Variants in CFAP299 observed in about 807,000 individuals in gnomAD.
The protein encoded by CFAP299 is cilia and flagella associated protein 299.
Under a neutral mutation model 27.0 loss-of-function variants are expected in CFAP299, and 21 were observed. That is an observed-to-expected ratio of 0.78 (90% confidence interval 0.55 to 1.12). The LOEUF (loss-of-function observed/expected upper bound fraction) is 1.12, where lower values mean the gene tolerates loss of function less well. CFAP299 is among the 50% of genes most tolerant of loss of function. CFAP299 has a pLI of 0.00. For missense variants in CFAP299, 310 were observed against 276.6 expected (o/e 1.12, Z -0.86); for synonymous variants, 104 against 98.1 (o/e 1.06, Z -0.36).
intron 2 of CFAP299, among the ~76,000 whole-genome samples, chr4:80,398,368 C>A (rs1350567600): frequency 7.9e-5 from 12 of 152,226 alleles, no homozygotes; most frequent in Non-Finnish European, 1.5e-5. Flanking sequence ...AAAAAAGAGC[C>A]CGCATTGCCA....
intron 2 of CFAP299, chr4:80,386,840 A>G: frequency 2.3e-6 from 2 of 887,134 alleles, no homozygotes; most frequent in Non-Finnish European, 3.8e-6. Context: ...GTGGATCAAC[A>G]TGTCTCTCTT....
chr4:80,740,983 A>G (rs1184587771), intron 3 of CFAP299, among the ~76,000 whole-genome samples: 1 of 152,174 alleles, frequency 6.6e-6, no homozygotes, highest in African/African-American at 2.4e-5. Flanking sequence ...GTGCTCTCCA[A>G]GAGCCTAGAC....
chr4:80,672,184 A>G (rs1200972536), intron 3 of CFAP299, among the ~76,000 whole-genome samples: 1 of 152,148 alleles, frequency 6.6e-6, no homozygotes, highest in Non-Finnish European at 1.5e-5. Context: ...TTCCATCAAT[A>G]CCTAGTTTAT....
chr4:80,641,222 C>A lies in CFAP299; in HGVS notation c.333+58039C>A, dbSNP rs140670786. Among the ~76,000 whole-genome samples, 969 of 151,728 alleles carry A rather than the reference C, an allele frequency of 6.4e-3. 13 individuals carry two copies. The highest frequency in any genetic ancestry group is 0.022 in the African/African-American group (929 of 41,386). ...ATAAACTATTTTTCTTTTTCTTTTT[C>A]GAGACAGAGTCTTGCTGTGTCACCC... On this transcript the variant is annotated intron_variant, in intron 3 of 5. Coordinates refer to ENST00000358105, the MANE Select transcript of CFAP299 (RefSeq NM_152770.3).
chr4:80,489,733 C>T lies in CFAP299; in HGVS notation c.243-93360C>T, dbSNP rs148165323. ...AATTCAGTTTCTCTGACTGTTGTAC[C>T]ATAGCACTTAAACTTACCAGTCTAC... is the stretch of plus-strand genomic sequence containing the variant. On this transcript the variant is annotated intron_variant, in intron 2 of 5. Coordinates refer to ENST00000358105, the MANE Select transcript of CFAP299 (RefSeq NM_152770.3). Among the ~76,000 whole-genome samples the T allele has an allele frequency of 5.0e-3, 764 of 152,212 alleles. 4 individuals are homozygous for T. The highest frequency in any genetic ancestry group is 0.017 in the Middle Eastern group (5 of 294).
At chr4:80,401,059 G>A (rs1169807303) in intron 2 of CFAP299, among the ~76,000 whole-genome samples, 1 of 152,142 alleles carries the variant, frequency 6.6e-6, no homozygotes, top group Admixed American at 6.5e-5. Context: ...GGTATCTGGT[G>A]GAAGAAATTT....
At chr4:80,603,830 C>A (rs907154596) in intron 3 of CFAP299, among the ~76,000 whole-genome samples, 20 of 152,126 alleles carry the variant, frequency 1.3e-4, no homozygotes, top group African/African-American at 4.6e-4. Flanking sequence ...ATAAAAAACT[C>A]TATCTCTCTT....
At chr4:80,559,287 G>GGGAAAAGCTTTGCAGTGCTTTTGGGAA (rs548101025) in intron 2 of CFAP299, among the ~76,000 whole-genome samples, 6,041 of 152,182 alleles carry the variant, frequency 0.04, 347 homozygotes, top group African/African-American at 0.13. Flanking sequence ...TGCAAAAGTG[G>GGGAAAAGCTTTGCAGTGCTTTTGGGAA]AAGCTTTGAG....
At chr4:80,489,208 A>T (rs1259998844) in intron 2 of CFAP299, among the ~76,000 whole-genome samples, 1 of 152,202 alleles carries the variant, frequency 6.6e-6, no homozygotes, top group Non-Finnish European at 1.5e-5. Context: ...ATTTTCCAAC[A>T]AGATGTCTCT....
chr4:80,460,560 A>G (rs1224646162), intron 2 of CFAP299, among the ~76,000 whole-genome samples: 1 of 152,140 alleles, frequency 6.6e-6, no homozygotes, highest in Non-Finnish European at 1.5e-5. Flanking sequence ...AAACTTCACT[A>G]ATGGCTTCCT....
intron 3 of CFAP299, among the ~76,000 whole-genome samples, chr4:80,765,299 A>T (rs1725793416): frequency 6.6e-6 from 1 of 152,166 alleles, no homozygotes; most frequent in South Asian, 2.1e-4. Context: ...ATGCTGAAAC[A>T]GTCTCAGGAA....
intron 3 of CFAP299, among the ~76,000 whole-genome samples, chr4:80,755,988 T>G (rs1276672094): frequency 6.6e-6 from 1 of 152,122 alleles, no homozygotes; most frequent in Non-Finnish European, 1.5e-5. Flanking sequence ...GGACATGAAG[T>G]GAATAGTGTA....
At chr4:80,683,661 A>G (rs1485600942) in intron 3 of CFAP299, among the ~76,000 whole-genome samples, 2 of 152,166 alleles carry the variant, frequency 1.3e-5, no homozygotes, top group African/African-American at 4.8e-5. Context: ...CCCTTTGATA[A>G]TGCTAGTTTT....
chr4:80,747,906 C>T (rs1724711744), intron 3 of CFAP299, among the ~76,000 whole-genome samples: 1 of 152,074 alleles, frequency 6.6e-6, no homozygotes, highest in Middle Eastern at 3.2e-3. Context: ...AAACATCTTT[C>T]TGAATTACTG....
intron 4 of CFAP299, among the ~76,000 whole-genome samples, chr4:80,917,996 T>C (rs1204000974): frequency 1.3e-5 from 2 of 152,190 alleles, no homozygotes; most frequent in Non-Finnish European, 2.9e-5. Flanking sequence ...ATTAGTGGCA[T>C]ATTTAGAACA....
chr4:80,608,241 C>A, intron 3 of CFAP299: 9 of 771,952 alleles, frequency 1.2e-5, no homozygotes, highest in South Asian at 5.5e-5. Context: ...CCAACAGTAC[C>A]AGAGGGTGGG....
At chr4:80,612,333 A>G (rs1738026070) in intron 3 of CFAP299, among the ~76,000 whole-genome samples, 1 of 152,062 alleles carries the variant, frequency 6.6e-6, no homozygotes, top group Non-Finnish European at 1.5e-5. Flanking sequence ...TTGTCACTAA[A>G]CTAAAAAAAA....
At chr4:80,849,667 G>T (rs149386068) in intron 3 of CFAP299, among the ~76,000 whole-genome samples, 330 of 152,198 alleles carry the variant, frequency 2.2e-3, no homozygotes, top group Non-Finnish European at 3.9e-3. Flanking sequence ...ATCTAAAAAA[G>T]TTGATCTCAT....
chr4:80,909,381 C>T (rs1263352284), intron 4 of CFAP299, among the ~76,000 whole-genome samples: 3 of 151,596 alleles, frequency 2.0e-5, no homozygotes, highest in African/African-American at 7.3e-5. Context: ...ATTATAATGA[C>T]AATGTAAATA....
Sources: gnomAD v4.1 joint callset for allele counts (sites outside exome capture counted in the v4.1 genomes callset) on GRCh38, gnomAD v4.1.1 for gene constraint, MANE v1.5 for transcripts, NCBI Gene and HGNC (gene_info 2026-07-23, HGNC 2026-07-21) for gene names.